TFEC: variants seen among roughly 807,000 people sequenced by gnomAD.
The protein encoded by TFEC is transcription factor EC.
TFEC carries 31 observed loss-of-function variants against 41.6 expected under a neutral mutation model. That is an observed-to-expected ratio of 0.74 (90% CI 0.56 to 1.01). The LOEUF (loss-of-function observed/expected upper bound fraction) is 1.01, where lower values mean the gene tolerates loss of function less well. Among genes scored for constraint, TFEC ranks in the 50% least tolerant of loss-of-function variants. The probability of loss-of-function intolerance (pLI) is 0.00; values close to 1 mark genes in which losing one functional copy is unlikely to be tolerated. For synonymous variants in TFEC, 143 were observed against 140.6 expected, an observed-to-expected ratio of 1.02 and a Z score of -0.12; for missense variants, 402 against 404.1, an observed-to-expected ratio of 0.99 and a Z score of 0.04.
intron 3 of TFEC, among the ~76,000 whole-genome samples, chr7:116,077,176 A>G (rs922164602): frequency 6.6e-6 from 1 of 152,184 alleles, no homozygotes; most frequent in African/African-American, 2.4e-5. Context: ...CAGTGAAACT[A>G]AGCTTCGTAA....
intron 3 of TFEC, among the ~76,000 whole-genome samples, chr7:115,959,600 G>A (rs891921368): frequency 6.6e-6 from 1 of 151,412 alleles, no homozygotes; most frequent in Non-Finnish European, 1.5e-5. Flanking sequence ...AACATCAAAG[G>A]TATTTGTAAT....
chr7:115,987,050 TC>T (rs1468258955), intron 1 of TFEC, among the ~76,000 whole-genome samples: 1 of 152,116 alleles, frequency 6.6e-6, no homozygotes, highest in Non-Finnish European at 1.5e-5. Context: ...GAATACCATC[TC>T]CTCTTCAGGC....
chr7:116,133,089 G>A (rs201026750), intron 1 of TFEC, among the ~76,000 whole-genome samples: 3 of 152,062 alleles, frequency 2.0e-5, no homozygotes, highest in South Asian at 2.1e-4. Context: ...AGCTATCATC[G>A]ATTTTTAAGT....
intron 1 of TFEC, among the ~76,000 whole-genome samples, chr7:115,992,069 A>G (rs796563437): frequency 9.2e-5 from 14 of 152,298 alleles, no homozygotes; most frequent in African/African-American, 3.4e-4. Context: ...AAACCACACA[A>G]CTACATGGAA....
At chr7:116,155,068 C>T (rs1798840122) in intron 1 of TFEC, among the ~76,000 whole-genome samples, 1 of 152,136 alleles carries the variant, frequency 6.6e-6, no homozygotes, top group Non-Finnish European at 1.5e-5. Flanking sequence ...TTGTTGCTTT[C>T]AATGCTTTCA....
chr7:116,009,758 C>G (rs772812201), intron 1 of TFEC, among the ~76,000 whole-genome samples: 1 of 152,108 alleles, frequency 6.6e-6, no homozygotes, highest in African/African-American at 2.4e-5. Context: ...TGCCTATATA[C>G]GATAGGCACT....
intron 1 of TFEC, among the ~76,000 whole-genome samples, chr7:116,154,796 G>T (rs1271107647): frequency 6.6e-6 from 1 of 152,152 alleles, no homozygotes; most frequent in African/African-American, 2.4e-5. Flanking sequence ...CCAATAAGAG[G>T]CATTGGTGCA....
Position 116,101,774 on chromosome 7 carries a change from C to T in TFEC, c.198+8934G>A, listed in dbSNP as rs778386542. Among the ~76,000 whole-genome samples, 17 of 152,098 alleles carry T rather than the reference C, an allele frequency of 1.1e-4. No individual in the cohort carries two copies. In the East Asian group the frequency reaches 1.3e-3, roughly 12 times the overall value. The stretch of plus-strand genomic sequence containing the variant: ...TATCTCAAAATTAGAAAATGCTTGA[C>T]GGCATTATTGATACATTTTTATGTC... On this transcript the variant is annotated intron_variant, in intron 3 of 8. Transcript: ENST00000484212.
intron 1 of TFEC, among the ~76,000 whole-genome samples, chr7:115,997,391 C>T (rs530192335): frequency 2.6e-4 from 39 of 152,284 alleles, no homozygotes; most frequent in African/African-American, 9.4e-4. Context: ...CTTTAGCTGC[C>T]TCCTAATGCA....
chr7:115,990,169 C>T (rs1049138978), intron 1 of TFEC, among the ~76,000 whole-genome samples: 3 of 152,160 alleles, frequency 2.0e-5, no homozygotes, highest in Non-Finnish European at 1.5e-5. Flanking sequence ...AGGGTTCTGA[C>T]TATTAGAAGG....
At chr7:116,073,502 T>A (rs984214127) in intron 3 of TFEC, among the ~76,000 whole-genome samples, 2 of 151,712 alleles carry the variant, frequency 1.3e-5, no homozygotes, top group Non-Finnish European at 3.0e-5. Context: ...GCAGAACATG[T>A]AGGTTGCAGC....
intron 3 of TFEC, among the ~76,000 whole-genome samples, chr7:116,098,684 T>C (rs1183305365): frequency 6.6e-6 from 1 of 152,160 alleles, no homozygotes; most frequent in African/African-American, 2.4e-5. Context: ...AATAAATTAA[T>C]CTTTAGGCCC....
At chr7:116,035,307 T>C (rs761797156), upstream of TFEC, among the ~76,000 whole-genome samples, 8 of 152,160 alleles carry the variant, frequency 5.3e-5, no homozygotes, top group Non-Finnish European at 1.2e-4. Flanking sequence ...TAGGTTACAA[T>C]GTCCCCCTGC....
Position 116,028,575 on chromosome 7 carries a change from A to G in TFEC, c.-73+2058T>C, listed in dbSNP as rs530615716. 2.0e-5 allele frequency among the ~76,000 whole-genome samples: 3 copies of G among 152,294 alleles called. No individual in the cohort carries two copies. The East Asian group carries it at 5.8e-4, about 29-fold the overall frequency. ...TATGCATGTGTTTTATTTTGTTGAC[A>G]AATAGTTCAAAATAGCAACCTATTT... On this transcript the variant is annotated intron_variant, in intron 1 of 7. Transcript: ENST00000265440.
At chr7:116,046,375 G>A (rs1234874137) in intron 3 of TFEC, among the ~76,000 whole-genome samples, 2 of 152,110 alleles carry the variant, frequency 1.3e-5, no homozygotes, top group East Asian at 1.9e-4. Context: ...TGCTATTCTC[G>A]TGATAGTGAA....
At chr7:116,018,131 A>C (rs1447377285) in intron 1 of TFEC, among the ~76,000 whole-genome samples, 1 of 152,204 alleles carries the variant, frequency 6.6e-6, no homozygotes, top group Non-Finnish European at 1.5e-5. Context: ...TACATGTATT[A>C]ATCTTTTAAT....
intron 6 of TFEC, among the ~76,000 whole-genome samples, chr7:115,945,230 G>A (rs1450278051): frequency 2.7e-5 from 4 of 150,196 alleles, no homozygotes; most frequent in Non-Finnish European, 5.9e-5. Context: ...CACCCTCAAA[G>A]TAAATTTGCC....
chr7:116,155,793 G>GATCTA (rs1798858723), intron 1 of TFEC, among the ~76,000 whole-genome samples: 2 of 152,042 alleles, frequency 1.3e-5, no homozygotes, highest in African/African-American at 4.8e-5. Flanking sequence ...TCACGGGGCT[G>GATCTA]CCTAATTATT....
intron 1 of TFEC, among the ~76,000 whole-genome samples, chr7:116,152,664 T>C (rs1339581736): frequency 2.0e-5 from 3 of 152,162 alleles, no homozygotes; most frequent in African/African-American, 4.8e-5. Context: ...CAGAATCGTA[T>C]TGCCTTAGTA....
Sources: allele counts gnomAD v4.1 joint callset (sites outside exome capture counted in the v4.1 genomes callset), GRCh38; gene constraint gnomAD v4.1.1; transcripts MANE v1.5; gene names NCBI Gene and HGNC (gene_info 2026-07-23, HGNC 2026-07-21).